TRHDE: variants seen among roughly 807,000 people sequenced by gnomAD.
The protein encoded by TRHDE is thyrotropin releasing hormone degrading enzyme.
In TRHDE, 72 loss-of-function variants were observed where a neutral mutation model predicts 125.7. The observed-to-expected ratio is 0.57, with a 90% CI of 0.47 to 0.70. TRHDE has a LOEUF of 0.70. Among genes scored for constraint, TRHDE ranks in the 30% least tolerant of loss-of-function variants. The pLI, the probability that TRHDE is intolerant of heterozygous loss-of-function variation, is 0.00. For synonymous variants in TRHDE, 509 were observed against 509.1 expected, an observed-to-expected ratio of 1.00 and a Z score of 0.00; for missense variants, 1,110 against 1,327.1, an observed-to-expected ratio of 0.84 and a Z score of 2.54.
chr12:72,195,986 C>G (rs1202221123), intron 2 of TRHDE, among the ~76,000 whole-genome samples: 1 of 152,074 alleles, frequency 6.6e-6, no homozygotes. Flanking sequence ...ATAGGGAGTG[C>G]TTTTCCCATT....
At chr12:72,529,494 G>C (rs531621954) in intron 6 of TRHDE, among the ~76,000 whole-genome samples, 157 of 152,144 alleles carry the variant, frequency 1.0e-3, no homozygotes, top group African/African-American at 3.5e-3. Context: ...TTAATACTCA[G>C]ACCTCTATTT....
intron 15 of TRHDE, among the ~76,000 whole-genome samples, chr12:72,625,053 A>T (rs1044247959): frequency 6.6e-6 from 1 of 151,890 alleles, no homozygotes; most frequent in African/African-American, 2.4e-5. Flanking sequence ...AATAGGCCTA[A>T]GTCTCACTGA....
In TRHDE at chr12:72,272,619, C is replaced by A; in HGVS notation, c.-25C>A. The A allele has an allele frequency of 1.0e-5, 9 of 881,504 alleles. No homozygotes were observed. The highest frequency in any genetic ancestry group is 1.3e-5 in the Non-Finnish European group (8 of 608,862). 54.6% of individuals were successfully genotyped at this position (881,504 alleles called of 1,614,324 possible). A position where few individuals can be genotyped will look rare whatever the true frequency, so the allele number is the denominator to read the frequency against. On this transcript the variant is annotated 5_prime_UTR_variant, in exon 1 of 19. Transcript: ENST00000261180. This position sits in a 1 kb window ranked among gnomAD's most constrained non-coding sequence, Gnocchi z 6.7. ...CGCCCGCGGGGGGTGCCAGAGGGGG[C>A]GGGGGAGGAGGAGGAGGCGGTGTGA... is the stretch of plus-strand genomic sequence containing the variant.
chr12:72,585,373 C>A (rs189456205), intron 12 of TRHDE, among the ~76,000 whole-genome samples: 1 of 152,180 alleles, frequency 6.6e-6, no homozygotes, highest in Non-Finnish European at 1.5e-5. Context: ...AAATAACTGA[C>A]AATAAATAAA....
In TRHDE at chr12:72,669,473, G is replaced by A. The variant is rs565823070; in HGVS notation, c.*6278G>A. The A allele has an allele frequency of 6.6e-6, 1 of 151,798 alleles. No individual in the cohort carries two copies. Among genetic ancestry groups the A allele is most frequent in the South Asian group, 2.1e-4 (1 of 4,822 alleles). 9.4% of individuals were successfully genotyped at this position (151,798 alleles called of 1,614,324 possible). On this transcript the variant is annotated 3_prime_UTR_variant, in exon 19 of 19. Transcript: ENST00000261180. ...ATATAAGTAAAGGAAAGAGTGAAAC[G>A]TTTTATAGAAAATATTACAGTGGAG...
intron 7 of TRHDE, among the ~76,000 whole-genome samples, chr12:72,550,160 G>T (rs1292579707): frequency 3.3e-5 from 5 of 151,856 alleles, no homozygotes; most frequent in African/African-American, 1.2e-4. Context: ...GACATATTTA[G>T]TTGATGTATG....
chr12:72,332,216 G>A (rs967818642), intron 2 of TRHDE, among the ~76,000 whole-genome samples: 5 of 152,040 alleles, frequency 3.3e-5, no homozygotes, highest in Non-Finnish European at 7.4e-5. Flanking sequence ...TCGGCTCACT[G>A]CAAGCTCCAC....
chr12:72,099,171 A>G (rs1875008950), intron 1 of TRHDE, among the ~76,000 whole-genome samples: 1 of 151,912 alleles, frequency 6.6e-6, no homozygotes, highest in Non-Finnish European at 1.5e-5. Flanking sequence ...CAAGAAAAAA[A>G]AAAAGACATT....
chr12:72,297,968 T>A (rs1565688551), intron 2 of TRHDE, among the ~76,000 whole-genome samples: 1 of 152,206 alleles, frequency 6.6e-6, no homozygotes, highest in Admixed American at 6.5e-5. Context: ...AGGTTTCCAT[T>A]GGGATATTGA....
chr12:72,443,144 A>T (rs1462040571), intron 3 of TRHDE, among the ~76,000 whole-genome samples: 1 of 151,350 alleles, frequency 6.6e-6, no homozygotes, highest in Non-Finnish European at 1.5e-5. Flanking sequence ...ATTGTACTAC[A>T]ATAGTATTCC....
intron 2 of TRHDE, among the ~76,000 whole-genome samples, chr12:72,113,019 T>C (rs1438448085): frequency 6.6e-6 from 1 of 152,082 alleles, no homozygotes; most frequent in Non-Finnish European, 1.5e-5. Flanking sequence ...CTCTTAAGAA[T>C]TGTTTTTTCT....
intron 2 of TRHDE, among the ~76,000 whole-genome samples, chr12:72,301,825 G>T (rs1194716026): frequency 6.6e-6 from 1 of 152,102 alleles, no homozygotes. Context: ...GGTAGGGTGG[G>T]GGAGAATGAG....
intron 15 of TRHDE, among the ~76,000 whole-genome samples, chr12:72,637,678 C>T (rs988823527): frequency 5.9e-5 from 9 of 152,056 alleles, no homozygotes; most frequent in African/African-American, 1.4e-4. Context: ...GCTTTGAATG[C>T]GTCCCAGAGA....
At chr12:72,357,623 G>C (rs953330726) in intron 2 of TRHDE, among the ~76,000 whole-genome samples, 1 of 151,430 alleles carries the variant, frequency 6.6e-6, no homozygotes, top group Non-Finnish European at 1.5e-5. Context: ...TGGACACCTA[G>C]GTTGTTTCCA....
intron 17 of TRHDE, among the ~76,000 whole-genome samples, chr12:72,655,062 TTTG>T (rs764060662): frequency 2.0e-4 from 30 of 152,166 alleles, no homozygotes; most frequent in Non-Finnish European, 2.4e-4. Flanking sequence ...TGGACTAATT[TTTG>T]TTGTTGTTGT....
intron 12 of TRHDE, among the ~76,000 whole-genome samples, chr12:72,577,061 G>T (rs1871029395): frequency 6.6e-6 from 1 of 152,098 alleles, no homozygotes. Flanking sequence ...TGAAGTCTTT[G>T]TAGAAAGTTT....
intron 3 of TRHDE, among the ~76,000 whole-genome samples, chr12:72,378,481 A>T (rs917858285): frequency 6.6e-6 from 1 of 152,126 alleles, no homozygotes; most frequent in Non-Finnish European, 1.5e-5. Flanking sequence ...CACATAAGGG[A>T]GTTGAGACCC....
chr12:72,531,056 A>C (rs919649177), intron 6 of TRHDE, among the ~76,000 whole-genome samples: 3 of 152,076 alleles, frequency 2.0e-5, no homozygotes, highest in Admixed American at 2.0e-4. Flanking sequence ...TCCCCAAAGC[A>C]TTTGTACCTA....
Position 72,316,589 on chromosome 12 carries a change from C to T in TRHDE, c.1188+29635C>T, listed in dbSNP as rs147203534. Among the ~76,000 whole-genome samples, 256 of 152,220 alleles carry T rather than the reference C, an allele frequency of 1.7e-3. 5 individuals are homozygous for T. The highest frequency in any genetic ancestry group is 5.8e-3 in the African/African-American group (243 of 41,544). ...AGGAAAGTGCTGTCCTGCCTTTTAC[C>T]CCATAAATTAGTTTTTGTGTGTTTC... On this transcript the variant is annotated intron_variant, in intron 2 of 18. Coordinates refer to ENST00000261180, the MANE Select transcript of TRHDE (RefSeq NM_013381.3).
Sources: allele counts gnomAD v4.1 joint callset (sites outside exome capture counted in the v4.1 genomes callset), GRCh38; gene constraint gnomAD v4.1.1; non-coding constraint Gnocchi (gnomAD v3.1); transcripts MANE v1.5; gene names NCBI Gene and HGNC (gene_info 2026-07-23, HGNC 2026-07-21).